Variants in ZNF618 observed in about 807,000 individuals in gnomAD.
ZNF618 encodes the protein neural precursor cell expressed, developmentally down-regulated 10.
In ZNF618, 34 loss-of-function variants were observed where a neutral mutation model predicts 103.0. That is an observed-to-expected ratio of 0.33 (90% CI 0.25 to 0.44). The LOEUF (loss-of-function observed/expected upper bound fraction) is 0.44, where lower values mean the gene tolerates loss of function less well. Ranked by LOEUF, ZNF618 falls within the 20% of genes least tolerant of loss-of-function variation. The pLI, the probability that ZNF618 is intolerant of heterozygous loss-of-function variation, is 1.00. For synonymous variants in ZNF618, 551 were observed against 542.2 expected (o/e 1.02, Z -0.23); for missense variants, 1,059 against 1,295.4 (o/e 0.82, Z 2.80).
intron 1 of ZNF618, among the ~76,000 whole-genome samples, chr9:113,911,915 A>G (rs1032690661): frequency 1.3e-5 from 2 of 152,210 alleles, no homozygotes; most frequent in Non-Finnish European, 2.9e-5. Flanking sequence ...AGACTTTTCA[A>G]TCTAGAAGGA....
chr9:113,915,328 C>CAAGATGACA (rs1564165269), intron 1 of ZNF618, among the ~76,000 whole-genome samples: 2 of 152,104 alleles, frequency 1.3e-5, no homozygotes, highest in African/African-American at 4.8e-5. Context: ...TGTTGACATC[C>CAAGATGACA]GCTACTGTCA....
At position 114,048,642 on chromosome 9, in the gene ZNF618, C is replaced by G. The variant is rs1313008789; in HGVS notation, c.1349-9C>G. 2 of 1,602,162 alleles carry G rather than the reference C, an allele frequency of 1.2e-6. No homozygotes were observed. The highest frequency in any genetic ancestry group is 8.5e-7 in the Non-Finnish European group (1 of 1,172,290). ...AATTAATCCCATCTGTCTTTGTGTCCTCTGCCAGCCACTACCAGTGGTTTA... is the reference window on the plus strand; with the variant it reads ...AATTAATCCCATCTGTCTTTGTGTCGTCTGCCAGCCACTACCAGTGGTTTA... On this transcript the variant is annotated splice_polypyrimidine_tract_variant and intron_variant, in intron 14 of 14. Coordinates refer to ENST00000374126, the MANE Select transcript of ZNF618 (RefSeq NM_001318042.2).
At chr9:114,001,964 G>T (rs762183568) in intron 4 of ZNF618, 32 bp from the exon 5 acceptor site, 8 of 1,593,366 alleles carry the variant, frequency 5.0e-6, no homozygotes, top group Non-Finnish European at 6.9e-6. Flanking sequence ...ACAGAGGTTG[G>T]GTGACCAGTC....
chr9:113,990,315 C>T (rs897622942), intron 3 of ZNF618, among the ~76,000 whole-genome samples: 3 of 152,102 alleles, frequency 2.0e-5, no homozygotes, highest in Admixed American at 1.3e-4. Flanking sequence ...AAGTGGAAAC[C>T]CCTAGAGATT....
chr9:113,999,259 A>G (rs919648995), intron 4 of ZNF618, among the ~76,000 whole-genome samples: 1 of 142,842 alleles, frequency 7.0e-6, no homozygotes. Flanking sequence ...TTTTAGGCTG[A>G]TCGAGGGGCA....
chr9:114,044,238 G>A (rs11790678), intron 13 of ZNF618, among the ~76,000 whole-genome samples: 43,781 of 152,070 alleles, frequency 0.29, 8,002 homozygotes, highest in East Asian at 0.62. Flanking sequence ...TGAGAGATGA[G>A]GATCCAGTTT....
At chr9:113,958,684 T>C (rs1836547911) in intron 1 of ZNF618, among the ~76,000 whole-genome samples, 1 of 151,876 alleles carries the variant, frequency 6.6e-6, no homozygotes, top group Non-Finnish European at 1.5e-5. Flanking sequence ...CACTACCCTG[T>C]TGTTGCTGCT....
intron 1 of ZNF618, among the ~76,000 whole-genome samples, chr9:113,902,109 C>T (rs1476125966): frequency 2.0e-5 from 3 of 151,944 alleles, no homozygotes; most frequent in Non-Finnish European, 4.4e-5. Flanking sequence ...AAGCTGCCTA[C>T]GTGAGGGTGG....
chr9:114,015,596 C>T (rs898936267), intron 9 of ZNF618, among the ~76,000 whole-genome samples: 1 of 152,026 alleles, frequency 6.6e-6, no homozygotes. Context: ...TTGAATTTTT[C>T]CACAGGAAAT....
chr9:113,884,774 CAGAGAGAGAGAGAGAGAG>C (rs3034065), intron 1 of ZNF618, among the ~76,000 whole-genome samples: 2 of 142,168 alleles, frequency 1.4e-5, no homozygotes, highest in Non-Finnish European at 3.1e-5. Context: ...CACAAACACA[CAGAGAGAGAGAGAGAGAG>C]AGAGAGAGAG....
intron 1 of ZNF618, among the ~76,000 whole-genome samples, chr9:113,942,595 A>G (rs1004327627): frequency 9.9e-5 from 15 of 152,216 alleles, no homozygotes; most frequent in Admixed American, 7.2e-4. Flanking sequence ...TGCATGCAGT[A>G]GGTGCTCAAG....
At chr9:114,011,659 G>C (rs1842258610) in intron 9 of ZNF618, among the ~76,000 whole-genome samples, 1 of 152,238 alleles carries the variant, frequency 6.6e-6, no homozygotes, top group Non-Finnish European at 1.5e-5. Flanking sequence ...TGAAGGGACT[G>C]ATTGCCCAAG....
intron 1 of ZNF618, among the ~76,000 whole-genome samples, chr9:113,930,711 T>G (rs974764204): frequency 6.6e-6 from 1 of 152,218 alleles, no homozygotes; most frequent in Non-Finnish European, 1.5e-5. Context: ...TCTGATTCCT[T>G]GCCTTCCTCG....
At chr9:113,917,233 TCC>T (rs1189087341) in intron 1 of ZNF618, among the ~76,000 whole-genome samples, 1 of 137,924 alleles carries the variant, frequency 7.3e-6, no homozygotes, top group Non-Finnish European at 1.5e-5. Context: ...CTTCTCTCTA[TCC>T]TTTTTTTTTT....
Position 114,053,906 on chromosome 9 carries a change from A to G in ZNF618, c.*3739A>G, listed in dbSNP as rs924093637. 6 of 152,256 alleles carry G rather than the reference A, an allele frequency of 3.9e-5. No individual in the cohort carries two copies. The highest frequency in any genetic ancestry group is 1.4e-4 in the African/African-American group (6 of 41,436). 9.4% of individuals were successfully genotyped at this position (152,256 alleles called of 1,614,324 possible). On this transcript the variant is annotated 3_prime_UTR_variant, in exon 15 of 15. Transcript: ENST00000374126. ...AAGCTTTGCCACCATCCTGCTTGGCAGCTTCACACTTGACATCTGAGGATT... is the reference window on the plus strand; with the variant it reads ...AAGCTTTGCCACCATCCTGCTTGGCGGCTTCACACTTGACATCTGAGGATT...
At chr9:113,949,467 G>A (rs1350911031) in intron 1 of ZNF618, among the ~76,000 whole-genome samples, 3 of 152,150 alleles carry the variant, frequency 2.0e-5, no homozygotes, top group Non-Finnish European at 4.4e-5. Flanking sequence ...CTTACGGCTG[G>A]TTCCTCTGCA....
chr9:113,997,144 G>A (rs1171312649), intron 3 of ZNF618, among the ~76,000 whole-genome samples: 1 of 149,558 alleles, frequency 6.7e-6, no homozygotes, highest in Non-Finnish European at 1.5e-5. Context: ...GTCTTACTCT[G>A]TTGCCCAGGC....
At position 113,887,913 on chromosome 9, in the gene ZNF618, A is replaced by G. The variant is rs542846878; in HGVS notation, c.33+11500A>G. Among the ~76,000 whole-genome samples the G allele has an allele frequency of 1.1e-4, 16 of 152,344 alleles. No individual in the cohort carries two copies. In the South Asian group the frequency reaches 2.1e-3, roughly 20 times the overall value. On this transcript the variant is annotated intron_variant, in intron 1 of 14. Coordinates refer to ENST00000374126, the MANE Select transcript of ZNF618 (RefSeq NM_001318042.2). ...ATTTATCTCACATTATTTTTGCACA[A>G]TGGAATTTATCTGCCTTGAAATACA...
chr9:114,007,393 A>G lies in ZNF618; in HGVS notation c.594A>G (p.Lys198=). ...GTGATATCTGCGGGAAGAAGTACAAATACTACAGCTGTTTCCAAGAGCACC... is the reference window on the plus strand; with the variant it reads ...GTGATATCTGCGGGAAGAAGTACAAGTACTACAGCTGTTTCCAAGAGCACC... ...YTCDICGKKY[K]YYSCFQEHRD... The change falls in exon 7 of 15, where the codon AAA becomes AAG. Residue 198 remains lysine, a synonymous_variant. Transcript: ENST00000374126. 3 of 1,613,530 alleles carry G rather than the reference A, an allele frequency of 1.9e-6. No individual in the cohort carries two copies. Among genetic ancestry groups the G allele is most frequent in the Non-Finnish European group, 2.5e-6 (3 of 1,179,732 alleles).
Sources: allele counts gnomAD v4.1 joint callset (sites outside exome capture counted in the v4.1 genomes callset), GRCh38; gene constraint gnomAD v4.1.1; transcripts MANE v1.5; gene names NCBI Gene and HGNC (gene_info 2026-07-23, HGNC 2026-07-21).